Variants in PALLD observed in about 807,000 individuals in gnomAD.
PALLD encodes the protein palladin, cytoskeletal associated protein.
In PALLD, 61 loss-of-function variants were observed where a neutral mutation model predicts 123.5. The ratio of observed to expected loss-of-function variants is 0.49; its 90% confidence interval spans 0.40 to 0.61. The LOEUF (loss-of-function observed/expected upper bound fraction) is 0.61. Among genes scored for constraint, PALLD ranks in the 20% least tolerant of loss-of-function variants. The probability of loss-of-function intolerance (pLI) is 0.00; values close to 1 mark genes in which losing one functional copy is unlikely to be tolerated. For missense variants in PALLD, 1,273 were observed against 1,377.0 expected (o/e 0.92, Z 1.20); for synonymous variants, 465 against 496.4 (o/e 0.94, Z 0.84).
At chr4:168,883,984 CTT>C (rs1210148642) in intron 10 of PALLD, among the ~76,000 whole-genome samples, 1 of 149,538 alleles carries the variant, frequency 6.7e-6, no homozygotes, top group Non-Finnish European at 1.5e-5. Flanking sequence ...TGTCACCACT[CTT>C]TTTATTTCCT....
intron 2 of PALLD, among the ~76,000 whole-genome samples, chr4:168,665,159 AG>A (rs1779511746): frequency 2.0e-5 from 3 of 152,220 alleles, no homozygotes; most frequent in Non-Finnish European, 4.4e-5. Context: ...CTGAGATCAC[AG>A]GCCCACACTG....
intron 2 of PALLD, among the ~76,000 whole-genome samples, chr4:168,564,817 A>G (rs1768205630): frequency 6.6e-6 from 1 of 152,170 alleles, no homozygotes; most frequent in Non-Finnish European, 1.5e-5. Context: ...AGGTCTCTAC[A>G]TTGATCAAAA....
intron 18 of PALLD, among the ~76,000 whole-genome samples, chr4:168,923,038 T>C (rs187398468): frequency 2.0e-5 from 3 of 152,354 alleles, no homozygotes; most frequent in Admixed American, 1.3e-4. Context: ...GATTAAATCA[T>C]AAAAATGTGT....
chr4:168,697,351 A>T (rs546044287), intron 8 of PALLD, among the ~76,000 whole-genome samples: 1 of 152,236 alleles, frequency 6.6e-6, no homozygotes, highest in Non-Finnish European at 1.5e-5. Context: ...TACAGGAAGC[A>T]GGAGATCACA....
At chr4:168,788,348 A>G (rs1317458315) in intron 10 of PALLD, among the ~76,000 whole-genome samples, 6 of 144,914 alleles carry the variant, frequency 4.1e-5, no homozygotes, top group African/African-American at 1.5e-4. Context: ...AATTATATAT[A>G]TATTTTTAAT....
chr4:168,614,185 T>C (rs138551057), intron 2 of PALLD, among the ~76,000 whole-genome samples: 34 of 152,356 alleles, frequency 2.2e-4, no homozygotes, highest in African/African-American at 8.2e-4. Context: ...TCTATCATAT[T>C]GAGCACTCTA....
intron 16 of PALLD, 190 bp downstream of exon 16, chr4:168,914,211 C>T (rs1379988021): frequency 1.7e-6 from 1 of 604,250 alleles, no homozygotes; most frequent in Non-Finnish European, 2.9e-6. Flanking sequence ...TGGGAACAAA[C>T]ATTCGCTAAT....
intron 11 of PALLD, chr4:168,894,268 T>G: frequency 2.7e-6 from 1 of 374,586 alleles, no homozygotes; most frequent in Middle Eastern, 8.4e-4. Context: ...TTAAATATCT[T>G]TTTTTCCATG....
chr4:168,837,600 G>A (rs966304846), intron 10 of PALLD, among the ~76,000 whole-genome samples: 1 of 152,134 alleles, frequency 6.6e-6, no homozygotes, highest in Non-Finnish European at 1.5e-5. Flanking sequence ...CTAAAATGTT[G>A]AACACATTTT....
At chr4:168,697,305 G>A (rs914844321) in intron 8 of PALLD, among the ~76,000 whole-genome samples, 3 of 152,206 alleles carry the variant, frequency 2.0e-5, no homozygotes, top group African/African-American at 7.2e-5. Flanking sequence ...CACAGCAAGA[G>A]AATTAATCCA....
At chr4:168,720,564 A>G (rs1785902705) in intron 10 of PALLD, among the ~76,000 whole-genome samples, 1 of 152,212 alleles carries the variant, frequency 6.6e-6, no homozygotes, top group African/African-American at 2.4e-5. Flanking sequence ...GATAAGGAAC[A>G]TAGGAGTAGT....
rs1158026347 is a variant in PALLD, at chr4:168,712,578, CAG to C, written c.1964+660_1964+661del. Among the ~76,000 whole-genome samples the C allele has an allele frequency of 2.6e-5, 4 of 152,278 alleles. No individual in the cohort carries two copies. In the East Asian group the frequency reaches 7.7e-4, roughly 29 times the overall value. ...AGCTGTTTCCATTGGCACCGCACAGCAGAGAGTTGTTATGAATGGAGCCATTA... is the reference window on the plus strand; with the variant it reads ...AGCTGTTTCCATTGGCACCGCACAGCAGAGTTGTTATGAATGGAGCCATTA... On this transcript the variant is annotated intron_variant, in intron 10 of 21. Coordinates refer to ENST00000505667, the MANE Select transcript of PALLD (RefSeq NM_001166108.2).
intron 10 of PALLD, chr4:168,877,714 T>C (rs1581867626): frequency 5.3e-6 from 6 of 1,127,824 alleles, no homozygotes; most frequent in Admixed American, 5.0e-5. Context: ...CTTCTCTTTT[T>C]CCCCCCAGGG....
intron 10 of PALLD, among the ~76,000 whole-genome samples, chr4:168,783,060 G>A (rs1581446046): frequency 6.8e-6 from 1 of 147,958 alleles, no homozygotes; most frequent in African/African-American, 2.5e-5. Context: ...GTGTGTGTGT[G>A]TGTGTGTGTG....
intron 2 of PALLD, among the ~76,000 whole-genome samples, chr4:168,663,841 T>C (rs2149991695): frequency 6.6e-6 from 1 of 152,332 alleles, no homozygotes; most frequent in Non-Finnish European, 1.5e-5. Context: ...AATCAACTAC[T>C]TCTTGATTGT....
intron 2 of PALLD, among the ~76,000 whole-genome samples, chr4:168,641,796 G>A (rs555267647): frequency 8.1e-4 from 124 of 152,170 alleles, no homozygotes; most frequent in African/African-American, 2.9e-3. Flanking sequence ...CCCCAGCTGG[G>A]CAACATTTAC....
At chr4:168,883,957 A>AG (rs956315429) in intron 10 of PALLD, among the ~76,000 whole-genome samples, 7 of 151,796 alleles carry the variant, frequency 4.6e-5, no homozygotes, top group Admixed American at 4.6e-4. Context: ...TCAAAAAAAA[A>AG]AAGGAGATCA....
intron 10 of PALLD, among the ~76,000 whole-genome samples, chr4:168,751,840 G>A (rs1031442530): frequency 3.3e-5 from 5 of 152,120 alleles, no homozygotes; most frequent in East Asian, 1.9e-4. Flanking sequence ...AAAAAGAGTG[G>A]GTAGAGGGAC....
chr4:168,862,652 G>C lies in PALLD; in HGVS notation c.1965-28270G>C, dbSNP rs567084636. ...GTTACAGGGTAAGAAACTAAAAATG[G>C]TAAAAGCCATTTGTCAGGGTAAATC... On this transcript the variant is annotated intron_variant, in intron 10 of 21. Transcript: ENST00000505667. 1.1e-4 allele frequency among the ~76,000 whole-genome samples: 17 copies of C among 152,244 alleles called. No individual in the cohort carries two copies. The South Asian group carries it at 3.3e-3, about 30-fold the overall frequency.
Sources: gnomAD v4.1 joint callset for allele counts (sites outside exome capture counted in the v4.1 genomes callset) on GRCh38, gnomAD v4.1.1 for gene constraint, MANE v1.5 for transcripts, NCBI Gene and HGNC (gene_info 2026-07-23, HGNC 2026-07-21) for gene names.